The following COG2 variants were observed in gnomAD, a reference collection of about 807,000 sequenced individuals.
COG2 encodes conserved oligomeric Golgi complex subunit 2.
A neutral mutation model predicts 90.6 loss-of-function variants in COG2; 52 were observed. The observed-to-expected ratio is 0.57, with a 90% CI of 0.46 to 0.72. COG2 has a LOEUF of 0.72. Ranked by LOEUF, COG2 falls within the 30% of genes least tolerant of loss-of-function variation. The probability of loss-of-function intolerance (pLI) is 0.00; values close to 1 mark genes in which losing one functional copy is unlikely to be tolerated. For missense variants in COG2, 829 were observed against 891.2 expected (o/e 0.93, Z 0.89); for synonymous variants, 337 against 320.4 (o/e 1.05, Z -0.55).
intron 15 of COG2, among the ~76,000 whole-genome samples, chr1:230,688,835 G>A (rs16852311): frequency 6.6e-6 from 1 of 151,990 alleles, no homozygotes; most frequent in Non-Finnish European, 1.5e-5. Flanking sequence ...AGGAAAAGTA[G>A]GTTTTTCAGA....
At chr1:230,672,679 G>A (rs6541327) in intron 8 of COG2, among the ~76,000 whole-genome samples, 73,602 of 150,884 alleles carry the variant, frequency 0.49, 18,616 homozygotes, top group East Asian at 0.75. Context: ...AAAAAAAAAG[G>A]CCATTTTTTC....
intron 12 of COG2, among the ~76,000 whole-genome samples, chr1:230,686,647 T>A (rs1348763841): frequency 6.6e-6 from 1 of 152,210 alleles, no homozygotes; most frequent in East Asian, 1.9e-4. Context: ...AAAATTAATT[T>A]TATTGTGGTT....
intron 16 of COG2, among the ~76,000 whole-genome samples, chr1:230,691,104 C>CAT (rs1663013413): frequency 6.6e-6 from 1 of 151,544 alleles, no homozygotes; most frequent in African/African-American, 2.4e-5. Context: ...AAGCAAAATC[C>CAT]ACACACACAC....
At chr1:230,648,130 A>G (rs992402448) in intron 1 of COG2, among the ~76,000 whole-genome samples, 6 of 152,248 alleles carry the variant, frequency 3.9e-5, no homozygotes, top group Non-Finnish European at 8.8e-5. Context: ...GAACAGCCCA[A>G]AAATGTCACA....
In COG2 at chr1:230,675,130, TC is replaced by T; in HGVS notation, c.1026+10del. ...ATCCCGATGCATTTCATGAGGTATC[TC>T]CCCGCCCGTCGTCTTGATTCTTGAA... On this transcript the variant is annotated splice_region_variant and intron_variant, in intron 9 of 17. Coordinates refer to ENST00000366669, the MANE Select transcript of COG2 (RefSeq NM_007357.3). 2 of 1,606,474 alleles carry T rather than the reference TC, an allele frequency of 1.2e-6. No individual in the cohort carries two copies. Among genetic ancestry groups the T allele is most frequent in the Non-Finnish European group, 1.7e-6 (2 of 1,176,334 alleles).
chr1:230,685,227 T>A lies in COG2; in HGVS notation c.1371T>A (p.Phe457Leu). 1.2e-6 allele frequency: 2 copies of A among 1,614,208 alleles called. No homozygotes were observed. Among genetic ancestry groups the A allele is most frequent in the Non-Finnish European group, 1.7e-6 (2 of 1,180,022 alleles). The stretch of plus-strand genomic sequence containing the variant: ...AGATTTTGGCACGATACTCTGTGTT[T>A]GTCAATGAGGTAAGGGCTGGCTGTG... ...TLQILARYSVFVNELSLRPIS... is the reference protein window; with the variant it reads ...TLQILARYSVLVNELSLRPIS... Residue 457 changes from phenylalanine (F) to leucine (L), a missense_variant, in exon 12 of 18, where the codon TTT becomes TTA. By Grantham distance (22) the Phe-to-Leu change is conservative. Transcript: ENST00000366669.
chr1:230,668,708 T>G lies in COG2; in HGVS notation c.518T>G (p.Ile173Ser), dbSNP rs752546213. 6.2e-7 allele frequency: 1 copy of G among 1,612,710 alleles called. No individual in the cohort carries two copies. Among genetic ancestry groups the G allele is most frequent in the East Asian group, 2.2e-5 (1 of 44,810 alleles). Residue 173 changes from isoleucine (I) to serine (S), a missense_variant, in exon 6 of 18, where the codon ATT becomes AGT. Physicochemically the swap from Ile to Ser is moderately radical, Grantham distance 142. Transcript: ENST00000366669. ...TTGACTGGACAAATTTTGGAGAGAA[T>G]TGCCACAGAATTTAATCAGTTACAG... The part of the protein sequence containing the change: ...PLLTGQILER[I>S]ATEFNQLQFH...
At chr1:230,678,305 G>GGATGATGAT in intron 9 of COG2, 1 of 962,010 alleles carries the variant, frequency 1.0e-6, no homozygotes, top group African/African-American at 1.8e-5. Flanking sequence ...TGTAAAATGG[G>GGATGATGAT]GATGATGATG....
At chr1:230,678,496 T>C in intron 9 of COG2, 3 of 985,332 alleles carry the variant, frequency 3.0e-6, no homozygotes, top group Non-Finnish European at 2.4e-6. Context: ...AATACTCACA[T>C]GGTTTGATTC....
chr1:230,690,268 T>C, intron 16 of COG2, 115 bp downstream of exon 16: 1 of 861,372 alleles, frequency 1.2e-6, no homozygotes, highest in Non-Finnish European at 1.8e-6. Context: ...CTAGCACTTC[T>C]TCACTGGATT....
At chr1:230,685,384 C>A in intron 12 of COG2, 148 bp downstream of exon 12, 1 of 736,656 alleles carries the variant, frequency 1.4e-6, no homozygotes, top group East Asian at 2.7e-5. Flanking sequence ...GTCTCCAGCT[C>A]TGTGTCTGTG....
intron 8 of COG2, 92 bp downstream of exon 8, chr1:230,671,732 A>G (rs1662454904): frequency 8.4e-7 from 1 of 1,196,882 alleles, no homozygotes; most frequent in Non-Finnish European, 1.2e-6. Flanking sequence ...ACTGTCTTGT[A>G]TGAACTGTCT....
rs770140825 is a variant in COG2 at position 230,693,280 on chromosome 1, T to C, written c.2116-12T>C. The C allele has an allele frequency of 2.6e-6, 4 of 1,539,646 alleles. No individual in the cohort carries two copies. In the South Asian group the frequency reaches 3.4e-5, roughly 13 times the overall value. ...ATTGCAGTAACATAATTCATTCTCA[T>C]GGCCTTTGCAGATACAAAAGTTGGG... On this transcript the variant is annotated splice_polypyrimidine_tract_variant and intron_variant, in intron 17 of 17. Coordinates refer to ENST00000366669, the MANE Select transcript of COG2 (RefSeq NM_007357.3).
rs1662989245 is a variant in COG2 at position 230,690,169 on chromosome 1, GCAGACCTTGTGGGCCTT to G, written c.1934+17_1934+33del. ...GCACTCATAAGTAAGTAAATTAAAAGCAGACCTTGTGGGCCTTGCTTAGAAGAGTCTGCGGCAGAAAC... is the reference window on the plus strand; with the variant it reads ...GCACTCATAAGTAAGTAAATTAAAAGGCTTAGAAGAGTCTGCGGCAGAAAC... On this transcript the variant is annotated intron_variant, in intron 16 of 17. Transcript: ENST00000366669. The G allele has an allele frequency of 6.2e-7, 1 of 1,609,722 alleles. No individual in the cohort carries two copies. Among genetic ancestry groups the G allele is most frequent in the Non-Finnish European group, 8.5e-7 (1 of 1,178,036 alleles).
At chr1:230,677,478 G>C (rs780129407) in intron 9 of COG2, among the ~76,000 whole-genome samples, 7 of 152,162 alleles carry the variant, frequency 4.6e-5, no homozygotes, top group Non-Finnish European at 8.8e-5. Flanking sequence ...CCATGTTACA[G>C]TGCATTGAAT....
At chr1:230,653,192 A>G (rs1273876193) in intron 1 of COG2, among the ~76,000 whole-genome samples, 1 of 151,648 alleles carries the variant, frequency 6.6e-6, no homozygotes, top group Non-Finnish European at 1.5e-5. Flanking sequence ...TTTTTGTTTC[A>G]ATGAATTTGA....
chr1:230,669,092 C>G (rs1662387025), intron 6 of COG2: 1 of 452,582 alleles, frequency 2.2e-6, no homozygotes, highest in Non-Finnish European at 3.9e-6. Flanking sequence ...ATGATGTTTC[C>G]TCAAGATTGA....
In COG2 at chr1:230,675,010, T is replaced by A. The variant is rs6681346; in HGVS notation, c.912T>A (p.Asn304Lys). 0.027 allele frequency: 43,833 copies of A among 1,609,674 alleles called. 2,181 individuals carry two copies. The highest frequency in any genetic ancestry group is 0.2 in the African/African-American group (14,645 of 74,808). ...TGGAISSEKG[N>K]TVPGYDFLVN... ...CCTTATTTTACAGTGAAAAAGGCAATACTGTTCCTGGATATGACTTTTTGG... is the reference window on the plus strand; with the variant it reads ...CCTTATTTTACAGTGAAAAAGGCAAAACTGTTCCTGGATATGACTTTTTGG... Residue 304 changes from asparagine to lysine, a missense_variant, in exon 9 of 18, where the codon AAT becomes AAA. Coordinates refer to ENST00000366669, the MANE Select transcript of COG2 (RefSeq NM_007357.3).
At chr1:230,689,218 A>T (rs973968359) in intron 15 of COG2, among the ~76,000 whole-genome samples, 1 of 152,332 alleles carries the variant, frequency 6.6e-6, no homozygotes, top group South Asian at 2.1e-4. Flanking sequence ...TAATCTAAAG[A>T]TGATTTAAAC....
Sources: allele counts gnomAD v4.1 joint callset (sites outside exome capture counted in the v4.1 genomes callset), GRCh38; gene constraint gnomAD v4.1.1; transcripts MANE v1.5; gene names NCBI Gene and HGNC (gene_info 2026-07-23, HGNC 2026-07-21).